The following C12orf42 variants were observed in gnomAD, a reference collection of about 807,000 sequenced individuals.
C12orf42 encodes the protein uncharacterized protein C12orf42.
In C12orf42, 25 loss-of-function variants were observed where a neutral mutation model predicts 21.6. The observed-to-expected ratio is 1.16, with a 90% CI of 0.84 to 1.62. The LOEUF (loss-of-function observed/expected upper bound fraction) is 1.62. C12orf42 is among the 40% of genes most tolerant of loss of function. The probability of loss-of-function intolerance (pLI) is 0.00; values close to 1 mark genes in which losing one functional copy is unlikely to be tolerated. For missense variants in C12orf42, 483 were observed against 459.3 expected, an observed-to-expected ratio of 1.05 and a Z score of -0.47; for synonymous variants, 174 against 175.0, an observed-to-expected ratio of 0.99 and a Z score of 0.05.
the C12orf42 span, among the ~76,000 whole-genome samples, chr12:103,139,571 A>C: frequency 6.6e-6 from 1 of 152,166 alleles, no homozygotes; most frequent in Admixed American, 6.5e-5. Context: ...AGACCAAAAA[A>C]AATTATGACG....
At chr12:103,380,469 A>T (rs1027150964) in intron 3 of C12orf42, among the ~76,000 whole-genome samples, 5 of 152,192 alleles carry the variant, frequency 3.3e-5, no homozygotes, top group Admixed American at 2.0e-4. Context: ...TGCTGAATAC[A>T]AGTAATGTCG....
intron 4 of C12orf42, among the ~76,000 whole-genome samples, chr12:103,325,074 C>A (rs755208587): frequency 6.6e-6 from 1 of 152,122 alleles, no homozygotes; most frequent in South Asian, 2.1e-4. Flanking sequence ...AAACAGTTGG[C>A]GCCTGTGTTG....
chr12:103,303,321 T>C (rs1050770682), intron 5 of C12orf42, among the ~76,000 whole-genome samples: 9 of 151,962 alleles, frequency 5.9e-5, no homozygotes, highest in African/African-American at 2.2e-4. Flanking sequence ...TTATATAATA[T>C]ATTGCATATA....
upstream of C12orf42, among the ~76,000 whole-genome samples, chr12:103,499,716 T>G (rs7138689): frequency 0.18 from 26,671 of 152,118 alleles, 3,140 homozygotes; most frequent in African/African-American, 0.33. Flanking sequence ...AGCAGGGATA[T>G]GCCCCCTGCC....
intron 4 of C12orf42, among the ~76,000 whole-genome samples, chr12:103,306,723 C>A (rs2136548601): frequency 6.6e-6 from 1 of 152,128 alleles, no homozygotes; most frequent in East Asian, 1.9e-4. Flanking sequence ...CCCCTCCCTG[C>A]CAAAAAAGAT....
chr12:103,188,256 A>G, the C12orf42 span, among the ~76,000 whole-genome samples: 1 of 152,084 alleles, frequency 6.6e-6, no homozygotes, highest in Non-Finnish European at 1.5e-5. Context: ...TTTTTTGGCA[A>G]TGTCTAACAT....
At chr12:103,334,892 G>A (rs1025768245) in intron 4 of C12orf42, among the ~76,000 whole-genome samples, 1 of 152,214 alleles carries the variant, frequency 6.6e-6, no homozygotes, top group African/African-American at 2.4e-5. Flanking sequence ...AACAGTGGGA[G>A]TTGAATGCCT....
At chr12:103,420,380 C>T (rs1003689833) in intron 2 of C12orf42, among the ~76,000 whole-genome samples, 4 of 152,254 alleles carry the variant, frequency 2.6e-5, no homozygotes, top group Admixed American at 6.5e-5. Context: ...CACATGAGGA[C>T]GTGGATACCG....
chr12:103,201,329 T>C, the C12orf42 span, among the ~76,000 whole-genome samples: 1 of 152,162 alleles, frequency 6.6e-6, no homozygotes, highest in Admixed American at 6.5e-5. Flanking sequence ...CATTTTTTGG[T>C]GCAAGTTTGG....
rs1003791461 is a variant in C12orf42 at position 103,478,096 on chromosome 12, G to C, written c.78+253C>G. 4 of 373,188 alleles carry C rather than the reference G, an allele frequency of 1.1e-5. No homozygotes were observed. In the Admixed American group the frequency reaches 2.0e-4, roughly 19 times the overall value. The allele number at this position is 373,188 out of a possible 1,614,324, so 23.1% of individuals were successfully genotyped here. ...AACATAAGAAATAAATAATAGCAAAGACAACACATTTCTAAGTTTTCCTAG... is the reference window on the plus strand; with the variant it reads ...AACATAAGAAATAAATAATAGCAAACACAACACATTTCTAAGTTTTCCTAG... On this transcript the variant is annotated intron_variant, in intron 2 of 5. Coordinates refer to ENST00000548883, the MANE Select transcript of C12orf42 (RefSeq NM_198521.5).
the C12orf42 span, among the ~76,000 whole-genome samples, chr12:103,071,069 G>A: frequency 8.0e-3 from 1,217 of 152,094 alleles, 15 homozygotes; most frequent in African/African-American, 0.028. Flanking sequence ...CAACTCATTA[G>A]GAAACAATCA....
the C12orf42 span, among the ~76,000 whole-genome samples, chr12:103,208,278 T>TCTG: frequency 6.6e-6 from 1 of 152,166 alleles, no homozygotes; most frequent in South Asian, 2.1e-4. Flanking sequence ...AACACACTAA[T>TCTG]ACCAAGCCAC....
chr12:103,102,026 A>G, the C12orf42 span, among the ~76,000 whole-genome samples: 9 of 152,128 alleles, frequency 5.9e-5, no homozygotes. Flanking sequence ...GTATGCCATT[A>G]CTTCCTCTTT....
At chr12:103,255,239 G>C (rs1441499651) in intron 10 of C12orf42, among the ~76,000 whole-genome samples, 1 of 152,084 alleles carries the variant, frequency 6.6e-6, no homozygotes, top group African/African-American at 2.4e-5. Flanking sequence ...GGGTGGGGTG[G>C]TGCATGCCTG....
chr12:103,491,677 C>G (rs1294530442), intron 1 of C12orf42, among the ~76,000 whole-genome samples: 1 of 152,328 alleles, frequency 6.6e-6, no homozygotes, highest in South Asian at 2.1e-4. Context: ...TTTCTACCCC[C>G]AGATCCTCCA....
chr12:103,080,594 AT>A, the C12orf42 span, among the ~76,000 whole-genome samples: 3 of 152,228 alleles, frequency 2.0e-5, no homozygotes, highest in East Asian at 1.9e-4. Context: ...TTAGTTTTCT[AT>A]TTTTTTAATT....
At chr12:103,193,782 A>G in the C12orf42 span, among the ~76,000 whole-genome samples, 1 of 152,176 alleles carries the variant, frequency 6.6e-6, no homozygotes, top group Non-Finnish European at 1.5e-5. Flanking sequence ...AAGAATTAAT[A>G]CCAATCACTT....
the C12orf42 span, among the ~76,000 whole-genome samples, chr12:103,118,930 C>A: frequency 6.6e-6 from 1 of 152,034 alleles, no homozygotes; most frequent in Non-Finnish European, 1.5e-5. Context: ...CTTGATTTAG[C>A]CTATAAAATG....
At chr12:103,510,412 C>T in the C12orf42 span, among the ~76,000 whole-genome samples, 8 of 152,140 alleles carry the variant, frequency 5.3e-5, no homozygotes, top group East Asian at 1.5e-3. Flanking sequence ...TCAGTGTATA[C>T]TGCTTGGGTG....
Sources: gnomAD v4.1 joint callset for allele counts (sites outside exome capture counted in the v4.1 genomes callset) on GRCh38, gnomAD v4.1.1 for gene constraint, MANE v1.5 for transcripts, NCBI Gene and HGNC (gene_info 2026-07-23, HGNC 2026-07-21) for gene names.